Variants in CSTB observed in about 807,000 individuals in gnomAD.
The protein encoded by CSTB is cystatin B.
CSTB carries 8 observed loss-of-function variants against 7.6 expected under a neutral mutation model. The observed-to-expected ratio is 1.05, with a 90% CI of 0.62 to 1.89. The LOEUF is 1.89. CSTB is among the 40% of genes most tolerant of loss of function. The pLI is 0.00. For synonymous variants in CSTB, 56 were observed against 55.3 expected, an observed-to-expected ratio of 1.01 and a Z score of -0.06; for missense variants, 124 against 126.4, an observed-to-expected ratio of 0.98 and a Z score of 0.09.
intron 2 of CSTB, 140 bp downstream of exon 2, chr21:43,774,518 T>A (rs908466146): frequency 7.1e-6 from 8 of 1,129,792 alleles, no homozygotes; most frequent in Non-Finnish European, 9.3e-6. Context: ...GAAAGGCCGA[T>A]GGACACACAC....
intron 2 of CSTB, 38 bp downstream of exon 2, chr21:43,774,620 C>A: frequency 3.2e-6 from 5 of 1,564,364 alleles, no homozygotes; most frequent in Non-Finnish European, 8.8e-7. Context: ...CCTACCAGCA[C>A]CCGTTCGGGG....
At chr21:43,775,628 C>T (rs2084006229) in intron 1 of CSTB, 1 of 152,380 alleles carries the variant, frequency 6.6e-6, no homozygotes, top group African/African-American at 2.4e-5. Flanking sequence ...CTCTTGCACT[C>T]TCTCTCATGA....
Position 43,776,027 on chromosome 21 carries a change from C to G in CSTB, c.66+177G>C. The G allele has an allele frequency of 1.2e-5, 6 of 521,252 alleles. No homozygotes were observed. In the South Asian group the frequency reaches 1.8e-4, roughly 16 times the overall value. 32.3% of individuals were successfully genotyped at this position (521,252 alleles called of 1,614,324 possible). On this transcript the variant is annotated intron_variant, in intron 1 of 2. Coordinates refer to ENST00000291568, the MANE Select transcript of CSTB (RefSeq NM_000100.4). Reference sequence around the variant, plus strand: ...CCCAGCGGCGCCCCAGGCGCGGCCCCCCGCTGCTCACTCGCGCGCAGCGCC... The same window carrying G: ...CCCAGCGGCGCCCCAGGCGCGGCCCGCCGCTGCTCACTCGCGCGCAGCGCC...
intron 2 of CSTB, 61 bp downstream of exon 2, chr21:43,774,597 G>A: frequency 1.4e-6 from 2 of 1,447,490 alleles, no homozygotes; most frequent in Non-Finnish European, 1.9e-6. Context: ...GCCCGGGCCT[G>A]CACAGGCGGT....
chr21:43,774,439 C>T, intron 2 of CSTB, 109 bp from the exon 3 acceptor site: 8 of 1,541,612 alleles, frequency 5.2e-6, no homozygotes, highest in Non-Finnish European at 7.1e-6. Context: ...CCTGCATGTG[C>T]AGGGGATGCC....
At chr21:43,776,166 A>G (rs955016013) in intron 1 of CSTB, 38 bp downstream of exon 1, 23 of 1,512,300 alleles carry the variant, frequency 1.5e-5, no homozygotes, top group Admixed American at 6.0e-5. Context: ...AGGCTAAGGC[A>G]GGACTCCGGG....
chr21:43,775,215 A>C (rs35006428), intron 1 of CSTB: 134,642 of 240,730 alleles, frequency 0.56, 40,108 homozygotes, highest in South Asian at 0.76. Flanking sequence ...AGTGAGACTG[A>C]GTCTCAAAAA....
intron 1 of CSTB, chr21:43,775,478 T>C (rs1201423030): frequency 6.5e-6 from 1 of 154,564 alleles, no homozygotes; most frequent in Non-Finnish European, 1.4e-5. Context: ...CCGGTTTTTA[T>C]CTTGTTTTTC....
At chr21:43,774,417 A>G in intron 2 of CSTB, 87 bp from the exon 3 acceptor site, 2 of 1,599,880 alleles carry the variant, frequency 1.3e-6, no homozygotes, top group Non-Finnish European at 1.7e-6. Context: ...GCTGAAGACA[A>G]TCTTGTCTTC....
intron 2 of CSTB, 87 bp from the exon 3 acceptor site, chr21:43,774,417 ATCTTG>A: frequency 1.9e-6 from 3 of 1,599,880 alleles, no homozygotes; most frequent in Non-Finnish European, 1.7e-6. Flanking sequence ...GCTGAAGACA[ATCTTG>A]TCTTCTCCTG....
chr21:43,774,918 A>T, intron 1 of CSTB, 159 bp from the exon 2 acceptor site: 1 of 696,340 alleles, frequency 1.4e-6, no homozygotes, highest in Non-Finnish European at 2.6e-6. Context: ...TCAGCCTAAT[A>T]ATAAAGTAGA....
Position 43,774,313 on chromosome 21 carries a change from C to G in CSTB, c.186G>C (p.Glu62Asp). 6.2e-7 allele frequency: 1 copy of G among 1,614,192 alleles called. No homozygotes were observed. The highest frequency in any genetic ancestry group is 8.5e-7 in the Non-Finnish European group (1 of 1,180,040). Residue 62 changes from glutamate (E) to aspartate (D), a missense_variant, in exon 3 of 3, where the codon GAG becomes GAC. Glu to Asp is a conservative substitution (Grantham distance 45, BLOSUM62 2). Coordinates refer to ENST00000291568, the MANE Select transcript of CSTB (RefSeq NM_000100.4). ...GGAACACTCGCAGGTGTACGAAGTC[C>G]TCGTCGCCGACGTGCACCTGGGAAG... ...NYFIKVHVGD[E>D]DFVHLRVFQS... is the part of the protein sequence containing the mutation.
intron 2 of CSTB, 35 bp downstream of exon 2, chr21:43,774,623 G>A (rs369957957): frequency 2.9e-4 from 461 of 1,572,066 alleles, no homozygotes; most frequent in South Asian, 4.1e-4. Context: ...ACCAGCACCC[G>A]TTCGGGGCAG....
At position 43,774,244 on chromosome 21, in the gene CSTB, GTAGT is replaced by G. The variant is rs1555888363; in HGVS notation, c.251_254del (p.Asn84ThrfsTer11). The G allele has an allele frequency of 6.2e-7, 1 of 1,614,110 alleles. No homozygotes were observed. The highest frequency in any genetic ancestry group is 8.5e-7 in the Non-Finnish European group (1 of 1,180,044). Reference sequence around the variant, plus strand: ...CATCATGCTTGGCTTTGTTGGTCTGGTAGTTAGATAAGGTCAAGGGCTTGTTTTC... The same window carrying G: ...CATCATGCTTGGCTTTGTTGGTCTGGTAGATAAGGTCAAGGGCTTGTTTTC... On this transcript the variant is annotated frameshift_variant, in exon 3 of 3. Coordinates refer to ENST00000291568, the MANE Select transcript of CSTB (RefSeq NM_000100.4). LOFTEE classifies it high-confidence loss of function.
chr21:43,774,645 G>T lies in CSTB; in HGVS notation c.168+13C>A. On this transcript the variant is annotated intron_variant, in intron 2 of 2. Transcript: ENST00000291568. ...CCCGTTCGGGGCAGGCCCTCCTGAGGCCCACACTCTACCTTGATGAAGTAG... is the reference window on the plus strand; with the variant it reads ...CCCGTTCGGGGCAGGCCCTCCTGAGTCCCACACTCTACCTTGATGAAGTAG... The T allele has an allele frequency of 1.2e-6, 2 of 1,607,660 alleles. No individual in the cohort carries two copies. Among genetic ancestry groups the T allele is most frequent in the Non-Finnish European group, 8.5e-7 (1 of 1,174,230 alleles).
At position 43,774,447 on chromosome 21, in the gene CSTB, GC is replaced by G. The variant is rs555180801; in HGVS notation, c.169-118del. The G allele has an allele frequency of 8.2e-5, 123 of 1,505,698 alleles. 1 individual carries two copies. In the African/African-American group the frequency reaches 1.4e-3, roughly 17 times the overall value. The allele number at this position is 1,505,698 out of a possible 1,614,324, so 93.3% of individuals were successfully genotyped here. ...GTCTTCTCCTGCATGTGCAGGGGAT[GC>G]CTCACATCCCACACTTGTTTCCTTG... On this transcript the variant is annotated intron_variant, in intron 2 of 2. Coordinates refer to ENST00000291568, the MANE Select transcript of CSTB (RefSeq NM_000100.4).
chr21:43,776,085 C>A lies in CSTB; in HGVS notation c.66+119G>T. On this transcript the variant is annotated intron_variant, in intron 1 of 2. Coordinates refer to ENST00000291568, the MANE Select transcript of CSTB (RefSeq NM_000100.4). ...AGGGAGGCCTCTCACGGCCACAGCC[C>A]GGGCCAGCCCAGGGGTGCGCAGCGG... 7.3e-6 allele frequency: 7 copies of A among 955,590 alleles called. No homozygotes were observed. In the South Asian group the frequency reaches 1.1e-4, roughly 16 times the overall value. The allele number at this position is 955,590 out of a possible 1,614,324, so 59.2% of individuals were successfully genotyped here.
intron 1 of CSTB, chr21:43,775,928 T>C: frequency 2.4e-6 from 1 of 413,098 alleles, no homozygotes; most frequent in South Asian, 4.9e-5. Flanking sequence ...AGACTGTCCA[T>C]GCAGGGACCG....
rs1476371160 is a variant in CSTB, at chr21:43,774,647, C to T, written c.168+11G>A. Reference sequence around the variant, plus strand: ...CGTTCGGGGCAGGCCCTCCTGAGGCCCACACTCTACCTTGATGAAGTAGTT... The same window carrying T: ...CGTTCGGGGCAGGCCCTCCTGAGGCTCACACTCTACCTTGATGAAGTAGTT... On this transcript the variant is annotated intron_variant, in intron 2 of 2. Transcript: ENST00000291568. 1 of 1,610,278 alleles carries T rather than the reference C, an allele frequency of 6.2e-7. No individual in the cohort carries two copies. Among genetic ancestry groups the T allele is most frequent in the East Asian group, 2.2e-5 (1 of 44,872 alleles).
Sources: allele counts gnomAD v4.1 joint callset, GRCh38; gene constraint gnomAD v4.1.1; transcripts MANE v1.5; gene names NCBI Gene and HGNC (gene_info 2026-07-23, HGNC 2026-07-21).